The following MINDY3 variants were observed in gnomAD, a reference collection of about 807,000 sequenced individuals.
The protein encoded by MINDY3 is ubiquitin carboxyl-terminal hydrolase MINDY-3.
Under a neutral mutation model 69.2 loss-of-function variants are expected in MINDY3, and 38 were observed. The observed-to-expected ratio is 0.55, with a 90% confidence interval of 0.42 to 0.72. MINDY3 has a LOEUF of 0.72. Ranked by LOEUF, MINDY3 falls within the 30% of genes least tolerant of loss-of-function variation. The pLI is 0.00. For missense variants in MINDY3, 522 were observed against 519.0 expected, an observed-to-expected ratio of 1.01 and a Z score of -0.06; for synonymous variants, 192 against 180.1, an observed-to-expected ratio of 1.07 and a Z score of -0.53.
At chr10:15,808,669 C>T (rs373132224) in intron 10 of MINDY3, among the ~76,000 whole-genome samples, 2 of 152,140 alleles carry the variant, frequency 1.3e-5, no homozygotes, top group Non-Finnish European at 2.9e-5. Context: ...TTTATATGAA[C>T]AGTTCTGTCA....
intron 13 of MINDY3, among the ~76,000 whole-genome samples, chr10:15,782,731 T>C (rs1024534852): frequency 5.3e-5 from 8 of 152,150 alleles, no homozygotes; most frequent in African/African-American, 1.9e-4. Context: ...TTGTCAACCA[T>C]TAATTAGTGA....
intron 12 of MINDY3, chr10:15,788,980 A>C: frequency 3.5e-6 from 1 of 283,226 alleles, no homozygotes; most frequent in Non-Finnish European, 6.8e-6. Context: ...GTTTGCAGAG[A>C]AACTTTTTAA....
chr10:15,795,895 G>A (rs1353936711), intron 11 of MINDY3, among the ~76,000 whole-genome samples: 1 of 151,940 alleles, frequency 6.6e-6, no homozygotes, highest in African/African-American at 2.4e-5. Flanking sequence ...AGTACTCCAA[G>A]AAACACAGAA....
At chr10:15,785,742 T>G (rs1238236935) in intron 13 of MINDY3, among the ~76,000 whole-genome samples, 1 of 152,166 alleles carries the variant, frequency 6.6e-6, no homozygotes, top group Non-Finnish European at 1.5e-5. Flanking sequence ...TTTAACAATC[T>G]TTTTTAACAA....
intron 2 of MINDY3, among the ~76,000 whole-genome samples, chr10:15,845,957 G>C (rs966436849): frequency 6.6e-5 from 10 of 151,280 alleles, no homozygotes; most frequent in Non-Finnish European, 1.3e-4. Context: ...CGAGTAGCTG[G>C]GATTACAGGC....
chr10:15,790,784 C>T (rs993790939), intron 11 of MINDY3, among the ~76,000 whole-genome samples: 2 of 152,070 alleles, frequency 1.3e-5, no homozygotes, highest in Non-Finnish European at 2.9e-5. Context: ...ATCTGAAATG[C>T]TCCACGGTGT....
At chr10:15,847,782 T>C (rs1483254477) in intron 2 of MINDY3, 82 bp downstream of exon 2, 2 of 882,830 alleles carry the variant, frequency 2.3e-6, no homozygotes, top group East Asian at 2.4e-5. Context: ...AATTACTATA[T>C]GGAGTACAGA....
chr10:15,845,866 G>A (rs1281665161), intron 2 of MINDY3, among the ~76,000 whole-genome samples: 3 of 113,588 alleles, frequency 2.6e-5, no homozygotes, highest in South Asian at 3.0e-4. Context: ...TCTTTCACCC[G>A]AGCTAGAGTG....
chr10:15,832,447 ATTTT>A (rs11410031), intron 8 of MINDY3, among the ~76,000 whole-genome samples: 1 of 150,858 alleles, frequency 6.6e-6, no homozygotes. Context: ...CTGAAATGAG[ATTTT>A]TTTTTTCATT....
At chr10:15,816,977 T>A (rs996828268) in intron 9 of MINDY3, 62 bp from the exon 10 acceptor site, 9 of 1,239,456 alleles carry the variant, frequency 7.3e-6, no homozygotes, top group Non-Finnish European at 1.1e-5. Context: ...TGCCTCTTAT[T>A]TGCCCATAAA....
intron 11 of MINDY3, among the ~76,000 whole-genome samples, chr10:15,793,103 T>TATC (rs1296217351): frequency 1.3e-5 from 2 of 152,148 alleles, no homozygotes; most frequent in Non-Finnish European, 2.9e-5. Context: ...CATATTAATA[T>TATC]ATCTTTATCA....
At chr10:15,837,885 T>C in intron 5 of MINDY3, 1 of 941,214 alleles carries the variant, frequency 1.1e-6, no homozygotes, top group Non-Finnish European at 1.3e-6. Context: ...AAACAGATAC[T>C]GGCAAATAAA....
intron 8 of MINDY3, among the ~76,000 whole-genome samples, chr10:15,825,047 G>C (rs911468258): frequency 6.6e-6 from 1 of 152,130 alleles, no homozygotes; most frequent in Non-Finnish European, 1.5e-5. Flanking sequence ...ACGATTTATA[G>C]AATTTATTTG....
At chr10:15,841,174 T>G (rs1198239845) in intron 4 of MINDY3, among the ~76,000 whole-genome samples, 1 of 151,340 alleles carries the variant, frequency 6.6e-6, no homozygotes, top group East Asian at 1.9e-4. Context: ...GAGATTATTA[T>G]CAAGCAGAAG....
intron 5 of MINDY3, chr10:15,837,977 T>C (rs963772095): frequency 3.1e-6 from 3 of 967,226 alleles, no homozygotes; most frequent in African/African-American, 1.8e-5. Context: ...TTTTTTTCAT[T>C]GTAATGATGA....
At chr10:15,779,711 T>C (rs1317080342) in intron 14 of MINDY3, among the ~76,000 whole-genome samples, 1 of 152,054 alleles carries the variant, frequency 6.6e-6, no homozygotes, top group Non-Finnish European at 1.5e-5. Context: ...GTGCATTCTG[T>C]ACAGCATGAA....
At chr10:15,807,522 A>G (rs1038410298) in intron 10 of MINDY3, among the ~76,000 whole-genome samples, 1 of 151,902 alleles carries the variant, frequency 6.6e-6, no homozygotes, top group African/African-American at 2.4e-5. Context: ...ACCATACAAG[A>G]CCTTTTTTTG....
intron 1 of MINDY3, among the ~76,000 whole-genome samples, chr10:15,854,297 C>T (rs1834534165): frequency 6.6e-6 from 1 of 152,058 alleles, no homozygotes; most frequent in Non-Finnish European, 1.5e-5. Flanking sequence ...ATGCCTTTTC[C>T]AATTGCATAT....
intron 8 of MINDY3, among the ~76,000 whole-genome samples, chr10:15,829,995 C>A (rs1395983834): frequency 6.6e-6 from 1 of 152,088 alleles, no homozygotes; most frequent in Non-Finnish European, 1.5e-5. Context: ...ACCACTTGGC[C>A]TCTGTGAGAC....
Sources: allele counts gnomAD v4.1 joint callset (sites outside exome capture counted in the v4.1 genomes callset), GRCh38; gene constraint gnomAD v4.1.1; transcripts MANE v1.5; gene names NCBI Gene and HGNC (gene_info 2026-07-23, HGNC 2026-07-21).